Variants in CYP26C1 observed in about 807,000 individuals in gnomAD.
CYP26C1 encodes cytochrome P450 26C1.
Under a neutral mutation model 39.1 loss-of-function variants are expected in CYP26C1, and 41 were observed. The observed-to-expected ratio is 1.05, with a 90% confidence interval of 0.82 to 1.36. The LOEUF is 1.36. Ranked by LOEUF, CYP26C1 falls within the 40% of genes most tolerant of loss-of-function variation. The pLI is 0.00. For missense variants in CYP26C1, 833 were observed against 752.0 expected (o/e 1.11, Z -1.26); for synonymous variants, 362 against 350.8 (o/e 1.03, Z -0.36).
chr10:93,067,956 C>G (rs747323853), intron 5 of CYP26C1, among the ~76,000 whole-genome samples: 18 of 152,118 alleles, frequency 1.2e-4, no homozygotes, highest in Non-Finnish European at 2.5e-4. Context: ...GTCTCCTCAT[C>G]TAAGGTCAGA....
rs374836530 is a variant in CYP26C1, at chr10:93,064,314, G to A, written c.706-67G>A. The A allele has an allele frequency of 4.0e-5, 61 of 1,524,676 alleles. 1 individual carries two copies. In the East Asian group the frequency reaches 8.0e-4, roughly 20 times the overall value. 94.4% of individuals were successfully genotyped at this position (1,524,676 alleles called of 1,614,324 possible). A position where few individuals can be genotyped will look rare whatever the true frequency, so the allele number is the denominator to read the frequency against. On this transcript the variant is annotated intron_variant, in intron 3 of 5. Coordinates refer to ENST00000651965, the MANE Select transcript of CYP26C1 (RefSeq NM_183374.3). The stretch of plus-strand genomic sequence containing the variant: ...AGAGCCAGTGCTGAGAAGGTTTTCT[G>A]GGTAAGTGGCCGGGCTTGGCCCCCT...
In CYP26C1 at chr10:93,069,068, T is replaced by TG; in HGVS notation, c.*373dup. ...TGGATGGGGGAAGGCGAGGTAGGGG[T>TG]GGCAGGGGAGTGGGAATATTGCAAC... On this transcript the variant is annotated 3_prime_UTR_variant, in exon 6 of 6. Coordinates refer to ENST00000651965, the MANE Select transcript of CYP26C1 (RefSeq NM_183374.3). The TG allele has an allele frequency of 5.0e-6, 1 of 198,784 alleles. No individual in the cohort carries two copies. The highest frequency in any genetic ancestry group is 1.8e-3 in the Middle Eastern group (1 of 566). The allele number at this position is 198,784 out of a possible 1,614,324, so 12.3% of individuals were successfully genotyped here.
intron 5 of CYP26C1, among the ~76,000 whole-genome samples, chr10:93,067,794 A>C (rs1646192155): frequency 6.6e-6 from 1 of 152,174 alleles, no homozygotes; most frequent in Non-Finnish European, 1.5e-5. Context: ...TGTGGTACCA[A>C]ATCTGAACAT....
Position 93,061,339 on chromosome 10 carries a change from C to T in CYP26C1, c.76C>T (p.Leu26Phe), listed in dbSNP as rs1480526943. Residue 26 changes from leucine (L) to phenylalanine (F), a missense_variant, in exon 1 of 6, where the codon CTC (leucine) becomes TTC (phenylalanine). Leu to Phe is a conservative substitution (Grantham distance 22). Transcript: ENST00000651965. ...GTALLCAGLLLSLAQHLWTLR... is the reference protein window; with the variant it reads ...GTALLCAGLLFSLAQHLWTLR... ...TGCTCTCCTGTGCGCGGGCCTGCTGCTCAGCCTGGCCCAGCACCTCTGGAC... is the reference window on the plus strand; with the variant it reads ...TGCTCTCCTGTGCGCGGGCCTGCTGTTCAGCCTGGCCCAGCACCTCTGGAC... 3.8e-6 allele frequency: 6 copies of T among 1,589,614 alleles called. No homozygotes were observed. The highest frequency in any genetic ancestry group is 5.1e-6 in the Non-Finnish European group (6 of 1,168,668).
rs1428153830 is a variant in CYP26C1 at position 93,066,503 on chromosome 10, C to T, written c.1191+218C>T. Among the ~76,000 whole-genome samples, 3 of 152,248 alleles carry T rather than the reference C, an allele frequency of 2.0e-5. No individual in the cohort carries two copies. In the East Asian group the frequency reaches 5.8e-4, roughly 29 times the overall value. On this transcript the variant is annotated intron_variant, in intron 5 of 5. Coordinates refer to ENST00000651965, the MANE Select transcript of CYP26C1 (RefSeq NM_183374.3). ...GATCCCCCGCTGAGGGACGCAAAGCCTGGCGAGACTGCAAGGTTAGGGATC... is the reference window on the plus strand; with the variant it reads ...GATCCCCCGCTGAGGGACGCAAAGCTTGGCGAGACTGCAAGGTTAGGGATC...
rs1271882497 is a variant in CYP26C1, at chr10:93,068,592, C to T, written c.1464C>T (p.Ala488=). ...CGCGCTGGGAACTGGCCACACCCGCCTTCCCCGCCATGCAGACGGTGCCCA... is the reference window on the plus strand; with the variant it reads ...CGCGCTGGGAACTGGCCACACCCGCTTTCCCCGCCATGCAGACGGTGCCCA... ...RTARWELATP[A]FPAMQTVPIV... The change falls in exon 6 of 6, where the codon GCC becomes GCT. Residue 488 remains alanine, a synonymous_variant. Transcript: ENST00000651965. 1 of 1,596,842 alleles carries T rather than the reference C, an allele frequency of 6.3e-7. No individual in the cohort carries two copies. Among genetic ancestry groups the T allele is most frequent in the Non-Finnish European group, 8.5e-7 (1 of 1,172,414 alleles).
rs755694023 is a variant in CYP26C1 at position 93,066,042 on chromosome 10, G to C, written c.948G>C (p.Pro316=). The change falls in exon 5 of 6, where the codon CCG becomes CCC. Residue 316 remains proline (P), a synonymous_variant. Transcript: ENST00000651965. Reference sequence around the variant, plus strand: ...TCGTCCTGCTGCTACTGCAGCATCCGGCGGCCATCGCCAAGATTCGGGAGG... The same window carrying C: ...TCGTCCTGCTGCTACTGCAGCATCCCGCGGCCATCGCCAAGATTCGGGAGG... ...TSLVLLLLQH[P]AAIAKIREEL... 8 of 1,537,740 alleles carry C rather than the reference G, an allele frequency of 5.2e-6. No homozygotes were observed. The highest frequency in any genetic ancestry group is 6.1e-6 in the Non-Finnish European group (7 of 1,146,442).
At position 93,068,814 on chromosome 10, in the gene CYP26C1, T is replaced by G; in HGVS notation, c.*117T>G. On this transcript the variant is annotated 3_prime_UTR_variant, in exon 6 of 6. Coordinates refer to ENST00000651965, the MANE Select transcript of CYP26C1 (RefSeq NM_183374.3). ...CCACTCTTTCACTCGTTCAACAATC[T>G]TTCAACAAATGTTCGCCAAACGCGG... is the stretch of plus-strand genomic sequence containing the variant. 7.2e-7 allele frequency: 1 copy of G among 1,385,206 alleles called. No individual in the cohort carries two copies. 85.8% of individuals were successfully genotyped at this position (1,385,206 alleles called of 1,614,324 possible). A position where few individuals can be genotyped will look rare whatever the true frequency, so the allele number is the denominator to read the frequency against.
In CYP26C1 at chr10:93,061,226, C is replaced by T; in HGVS notation, c.-38C>T. 3 of 1,540,906 alleles carry T rather than the reference C, an allele frequency of 1.9e-6. No individual in the cohort carries two copies. The highest frequency in any genetic ancestry group is 2.6e-6 in the Non-Finnish European group (3 of 1,146,366). The stretch of plus-strand genomic sequence containing the variant: ...CCCCGGTTCTTGCGTCCCCTGCTCT[C>T]CCTGCGCTCTGAGCGGCCTGGCCCC... On this transcript the variant is annotated 5_prime_UTR_variant, in exon 1 of 6. Transcript: ENST00000651965.
chr10:93,062,926 G>C lies in CYP26C1; in HGVS notation c.636G>C (p.Arg212=). 1 of 1,605,930 alleles carries C rather than the reference G, an allele frequency of 6.2e-7. No homozygotes were observed. The highest frequency in any genetic ancestry group is 1.7e-4 in the Middle Eastern group (1 of 6,012). Residue 212 remains arginine, a synonymous_variant, in exon 3 of 6, where the codon CGG becomes CGC. Transcript: ENST00000651965. ...LDEAQCATLA[R]TFEQLVENLF... Reference sequence around the variant, plus strand: ...AGGCGCAGTGCGCCACGCTGGCCCGGACCTTCGAGCAGCTCGTGGAGAACC... The same window carrying C: ...AGGCGCAGTGCGCCACGCTGGCCCGCACCTTCGAGCAGCTCGTGGAGAACC...
At chr10:93,065,548 C>G (rs946114073) in intron 4 of CYP26C1, among the ~76,000 whole-genome samples, 4 of 152,194 alleles carry the variant, frequency 2.6e-5, no homozygotes, top group Non-Finnish European at 5.9e-5. Context: ...GGAGTGCTAG[C>G]TGTAGGGACC....
At chr10:93,061,512 C>T (rs899091006) in intron 1 of CYP26C1, 45 bp downstream of exon 1, 4 of 1,543,974 alleles carry the variant, frequency 2.6e-6, no homozygotes, top group Non-Finnish European at 3.5e-6. Context: ...TCCCTTCTTC[C>T]CCCGGCTCCC....
In CYP26C1 at chr10:93,068,386, G is replaced by A; in HGVS notation, c.1258G>A (p.Val420Met). Reference protein sequence around the residue: ...SIRDTHETAAVYRSPPEGFDP... With the variant: ...SIRDTHETAAMYRSPPEGFDP... ...CCGGGACACGCACGAGACGGCTGCGGTGTACCGCAGCCCTCCCGAAGGCTT... is the reference window on the plus strand; with the variant it reads ...CCGGGACACGCACGAGACGGCTGCGATGTACCGCAGCCCTCCCGAAGGCTT... The change falls in exon 6 of 6, where the codon GTG becomes ATG. Residue 420 changes from valine to methionine, a missense_variant. Val to Met is a conservative substitution (Grantham distance 21). Transcript: ENST00000651965. The A allele has an allele frequency of 6.3e-7, 1 of 1,599,504 alleles. No individual in the cohort carries two copies. The highest frequency in any genetic ancestry group is 8.5e-7 in the Non-Finnish European group (1 of 1,175,092).
chr10:93,068,734 T>A lies in CYP26C1; in HGVS notation c.*37T>A, dbSNP rs2134416936. 6.8e-7 allele frequency: 1 copy of A among 1,470,962 alleles called. No individual in the cohort carries two copies. Among genetic ancestry groups the A allele is most frequent in the Non-Finnish European group, 9.0e-7 (1 of 1,112,526 alleles). 91.1% of individuals were successfully genotyped at this position (1,470,962 alleles called of 1,614,324 possible). On this transcript the variant is annotated 3_prime_UTR_variant, in exon 6 of 6. Coordinates refer to ENST00000651965, the MANE Select transcript of CYP26C1 (RefSeq NM_183374.3). ...TCTAGGACACGGCTTGGCCGGTGGC[T>A]ATGGCGCGCACGCAGCGCCACCCAT...
chr10:93,061,030 G>A lies in CYP26C1; in HGVS notation c.-234G>A, dbSNP rs527465494. The A allele has an allele frequency of 7.4e-5, 39 of 526,372 alleles. No individual in the cohort carries two copies. The highest frequency in any genetic ancestry group is 5.2e-4 in the African/African-American group (26 of 50,112). The allele number at this position is 526,372 out of a possible 1,614,324, so 32.6% of individuals were successfully genotyped here. ...CAGGAGCCAGGAAAAAGTCCTGAGC[G>A]TGCCGGCCTCGAGGAAGGCACGTTC... On this transcript the variant is annotated 5_prime_UTR_variant, in exon 1 of 6. In the 5' UTR this introduces an upstream ATG that the reference lacks. Coordinates refer to ENST00000651965, the MANE Select transcript of CYP26C1 (RefSeq NM_183374.3).
chr10:93,062,216 G>T lies in CYP26C1; in HGVS notation c.411G>T (p.Pro137=). ...SHTLLGAVGE[P]HRRRRKVLAR... Reference sequence around the variant, plus strand: ...CACTGCTAGGTGCGGTCGGCGAGCCGCACCGGCGGCGGCGCAAGGTGAGTG... The same window carrying T: ...CACTGCTAGGTGCGGTCGGCGAGCCTCACCGGCGGCGGCGCAAGGTGAGTG... Residue 137 remains proline (P), a synonymous_variant, in exon 2 of 6, where the codon CCG becomes CCT. Transcript: ENST00000651965. The T allele has an allele frequency of 6.6e-7, 1 of 1,524,152 alleles. No homozygotes were observed. The highest frequency in any genetic ancestry group is 8.8e-7 in the Non-Finnish European group (1 of 1,139,616). The allele number at this position is 1,524,152 out of a possible 1,614,324, so 94.4% of individuals were successfully genotyped here.
Position 93,063,002 on chromosome 10 carries a change from C to T in CYP26C1, c.705+7C>T, listed in dbSNP as rs1846772672. 2 of 1,549,284 alleles carry T rather than the reference C, an allele frequency of 1.3e-6. No homozygotes were observed. Among genetic ancestry groups the T allele is most frequent in the Non-Finnish European group, 1.7e-6 (2 of 1,149,242 alleles). The stretch of plus-strand genomic sequence containing the variant: ...CTTCAGTGGCCTACGCAAGGTACGG[C>T]CGCCCCGGCTCCAGACCTTCCTCCG... On this transcript the variant is annotated splice_region_variant and intron_variant, in intron 3 of 5. Coordinates refer to ENST00000651965, the MANE Select transcript of CYP26C1 (RefSeq NM_183374.3).
rs538072145 is a variant in CYP26C1, at chr10:93,066,094, G to T, written c.1000G>T (p.Ala334Ser). The T allele has an allele frequency of 5.0e-5, 67 of 1,338,962 alleles. No individual in the cohort carries two copies. The South Asian group carries it at 1.3e-3, about 26-fold the overall frequency. 82.9% of individuals were successfully genotyped at this position (1,338,962 alleles called of 1,614,324 possible). ...EELVAQGLGR[A>S]CGCAPGAAGG... Reference sequence around the variant, plus strand: ...GCTGGTGGCGCAGGGGCTGGGGCGCGCGTGCGGCTGCGCGCCCGGGGCCGC... The same window carrying T: ...GCTGGTGGCGCAGGGGCTGGGGCGCTCGTGCGGCTGCGCGCCCGGGGCCGC... The change falls in exon 5 of 6, where the codon GCG becomes TCG. Residue 334 changes from alanine to serine, a missense_variant. Coordinates refer to ENST00000651965, the MANE Select transcript of CYP26C1 (RefSeq NM_183374.3).
chr10:93,065,924 G>A (rs1419152834), intron 4 of CYP26C1, 32 bp from the exon 5 acceptor site: 4 of 1,516,246 alleles, frequency 2.6e-6, no homozygotes, highest in African/African-American at 2.9e-5. Context: ...TCCACCGCCC[G>A]AGACTCAGTG....
Sources: gnomAD v4.1 joint callset for allele counts (sites outside exome capture counted in the v4.1 genomes callset) on GRCh38, gnomAD v4.1.1 for gene constraint, MANE v1.5 for transcripts, NCBI Gene and HGNC (gene_info 2026-07-23, HGNC 2026-07-21) for gene names.